LRRK2: variants seen among roughly 807,000 people sequenced by gnomAD.
The protein encoded by LRRK2 is leucine rich repeat kinase 2.
Under a neutral mutation model 302.6 loss-of-function variants are expected in LRRK2, and 203 were observed. The observed-to-expected ratio is 0.67, with a 90% CI of 0.60 to 0.75. The LOEUF (loss-of-function observed/expected upper bound fraction) is 0.75. Ranked by LOEUF, LRRK2 falls within the 30% of genes least tolerant of loss-of-function variation. LRRK2 has a pLI of 0.00. For synonymous variants in LRRK2, 1,066 were observed against 1,031.9 expected (o/e 1.03, Z -0.63); for missense variants, 2,830 against 2,951.0 (o/e 0.96, Z 0.95).
chr12:40,277,110 C>G (rs1268474982), intron 16 of LRRK2, among the ~76,000 whole-genome samples: 1 of 152,034 alleles, frequency 6.6e-6, no homozygotes, highest in African/African-American at 2.4e-5. Flanking sequence ...CAGGTGTGAG[C>G]CATGGTGTCT....
chr12:40,256,985 AC>A (rs750549185), intron 11 of LRRK2, among the ~76,000 whole-genome samples: 1 of 152,206 alleles, frequency 6.6e-6, no homozygotes. Context: ...CACGGTGATT[AC>A]ATTAAAACCA....
intron 14 of LRRK2, among the ~76,000 whole-genome samples, chr12:40,266,554 G>A (rs1425427290): frequency 6.6e-6 from 1 of 152,046 alleles, no homozygotes; most frequent in Non-Finnish European, 1.5e-5. Flanking sequence ...ACTGTTGGTG[G>A]GACTGTAAAC....
rs2136814191 is a variant in LRRK2, at chr12:40,308,506, C to A, written c.3999C>A (p.Asn1333Lys). 1 of 1,613,854 alleles carries A rather than the reference C, an allele frequency of 6.2e-7. No homozygotes were observed. Among genetic ancestry groups the A allele is most frequent in the Non-Finnish European group, 8.5e-7 (1 of 1,179,938 alleles). Residue 1333 changes from asparagine to lysine, a missense_variant, in exon 29 of 51, where the codon AAC becomes AAA. Asn to Lys is a moderately conservative substitution (Grantham distance 94). Around this residue, in one of 3 missense-constraint regions of LRRK2, gnomAD observed 2,121 missense variants for 2,148.0 expected, o/e 0.99. Transcript: ENST00000298910. ...QQRLKKAVPY[N>K]RMKLMIVGNT... ...GATTAAAAAAGGCTGTGCCTTATAA[C>A]CGAATGAAACTTATGATTGTGGGAA... is the stretch of plus-strand genomic sequence containing the variant.
At chr12:40,347,701 G>A (rs1946233391) in intron 42 of LRRK2, among the ~76,000 whole-genome samples, 1 of 152,078 alleles carries the variant, frequency 6.6e-6, no homozygotes, top group Middle Eastern at 3.2e-3. Flanking sequence ...AGTGGCTTAC[G>A]CCTGTAATCC....
At chr12:40,237,426 A>G (rs914072519) in intron 4 of LRRK2, among the ~76,000 whole-genome samples, 2 of 152,228 alleles carry the variant, frequency 1.3e-5, no homozygotes, top group Non-Finnish European at 2.9e-5. Flanking sequence ...TGCCTTGTTC[A>G]AAAGGAGTTT....
At chr12:40,325,652 T>C (rs1945526581) in intron 38 of LRRK2, among the ~76,000 whole-genome samples, 1 of 152,232 alleles carries the variant, frequency 6.6e-6, no homozygotes, top group Admixed American at 6.5e-5. Flanking sequence ...AGGTGTATCC[T>C]TCTAAAAACA....
intron 13 of LRRK2, among the ~76,000 whole-genome samples, chr12:40,263,311 C>T (rs1262825648): frequency 7.9e-5 from 12 of 152,128 alleles, no homozygotes; most frequent in Admixed American, 7.9e-4. Flanking sequence ...TAAAAAATGA[C>T]ATGTTCTCTA....
rs11835290 is a variant in LRRK2 at position 40,354,242 on chromosome 12, T to C, written c.6577-57T>C. The C allele has an allele frequency of 1.1e-3, 1,517 of 1,423,646 alleles. 16 individuals are homozygous for C. The African/African-American group carries it at 0.019, about 18-fold the overall frequency. 88.2% of individuals were successfully genotyped at this position (1,423,646 alleles called of 1,614,324 possible). A position where few individuals can be genotyped will look rare whatever the true frequency, so the allele number is the denominator to read the frequency against. On this transcript the variant is annotated intron_variant, in intron 44 of 50. Coordinates refer to ENST00000298910, the MANE Select transcript of LRRK2 (RefSeq NM_198578.4). ...AACAGAATCCTTTATTCTGTACAAG[T>C]TCTAGTTGCTTAAGCTTAAATCAAA...
intron 11 of LRRK2, among the ~76,000 whole-genome samples, chr12:40,255,741 A>G (rs1481637376): frequency 1.3e-5 from 2 of 152,144 alleles, no homozygotes; most frequent in Admixed American, 1.3e-4. Context: ...ACCCAGTGTC[A>G]TTTTTGTCTT....
chr12:40,314,939 T>C (rs1945166876), intron 32 of LRRK2, among the ~76,000 whole-genome samples: 1 of 152,106 alleles, frequency 6.6e-6, no homozygotes, highest in South Asian at 2.1e-4. Flanking sequence ...CAGAAAATTA[T>C]GAATTTCTAC....
chr12:40,245,012 A>G (rs1941915888), intron 7 of LRRK2, among the ~76,000 whole-genome samples: 1 of 151,446 alleles, frequency 6.6e-6, no homozygotes, highest in Non-Finnish European at 1.5e-5. Context: ...AAAAAAAAAA[A>G]AAAAGAAAAT....
At chr12:40,308,731 T>A (rs1158014774) in intron 29 of LRRK2, 35 bp downstream of exon 29, 1 of 1,589,188 alleles carries the variant, frequency 6.3e-7, no homozygotes, top group Non-Finnish European at 8.6e-7. Context: ...AATTCACTTT[T>A]ACCATTTGTT....
rs988355982 is a variant in LRRK2 at position 40,274,451 on chromosome 12, A to T, written c.1657-132A>T. 4 of 907,844 alleles carry T rather than the reference A, an allele frequency of 4.4e-6. No individual in the cohort carries two copies. In the African/African-American group the frequency reaches 6.7e-5, roughly 15 times the overall value. The allele number at this position is 907,844 out of a possible 1,614,324, so 56.2% of individuals were successfully genotyped here. Reference sequence around the variant, plus strand: ...ATAATAAATAAAAGTAATTAATGTTATAGAAAACAAAATCAAGGATACTGA... The same window carrying T: ...ATAATAAATAAAAGTAATTAATGTTTTAGAAAACAAAATCAAGGATACTGA... On this transcript the variant is annotated intron_variant, in intron 14 of 50. Coordinates refer to ENST00000298910, the MANE Select transcript of LRRK2 (RefSeq NM_198578.4).
intron 42 of LRRK2, 33 bp from the exon 43 acceptor site, chr12:40,348,376 A>T (rs1199732799): frequency 1.4e-6 from 2 of 1,403,086 alleles, no homozygotes; most frequent in Non-Finnish European, 2.0e-6. Flanking sequence ...TTACTTATTT[A>T]GTATGCTAGC....
intron 43 of LRRK2, among the ~76,000 whole-genome samples, chr12:40,349,219 G>A (rs1019354709): frequency 6.6e-6 from 1 of 152,032 alleles, no homozygotes; most frequent in African/African-American, 2.4e-5. Flanking sequence ...ATTTATTAAA[G>A]ATAATGTGCA....
chr12:40,287,962 A>C (rs1943993450), intron 20 of LRRK2, among the ~76,000 whole-genome samples: 1 of 151,948 alleles, frequency 6.6e-6, no homozygotes, highest in East Asian at 1.9e-4. Context: ...TTAATAAAAA[A>C]GGTTTTTATC....
intron 47 of LRRK2, among the ~76,000 whole-genome samples, chr12:40,362,526 A>G (rs1946745030): frequency 6.6e-6 from 1 of 152,034 alleles, no homozygotes; most frequent in Non-Finnish European, 1.5e-5. Flanking sequence ...ATCCTTATGA[A>G]ATTACACTCA....
intron 38 of LRRK2, among the ~76,000 whole-genome samples, chr12:40,323,930 G>T (rs1253199147): frequency 6.6e-6 from 1 of 152,012 alleles, no homozygotes; most frequent in Non-Finnish European, 1.5e-5. Context: ...TTGAGAAAAG[G>T]TGAAGTCATG....
At chr12:40,359,136 T>A in intron 46 of LRRK2, 124 bp from the exon 47 acceptor site, 1 of 833,836 alleles carries the variant, frequency 1.2e-6, no homozygotes. Flanking sequence ...GGTTTTTGAG[T>A]TTTAATTTTA....
Sources: allele counts gnomAD v4.1 joint callset (sites outside exome capture counted in the v4.1 genomes callset), GRCh38; gene constraint gnomAD v4.1.1; regional missense constraint gnomAD v4.1.1; transcripts MANE v1.5; gene names NCBI Gene and HGNC (gene_info 2026-07-23, HGNC 2026-07-21).